Variants in DMRT1 observed in about 807,000 individuals in gnomAD.
The protein encoded by DMRT1 is doublesex and mab-3 related transcription factor 1, also known as doublesex- and mab-3-related transcription factor 1.
A neutral mutation model predicts 32.3 loss-of-function variants in DMRT1; 7 were observed. That is an observed-to-expected ratio of 0.22 (90% CI 0.12 to 0.41). The LOEUF is 0.41. Among genes scored for constraint, DMRT1 ranks in the 10% least tolerant of loss-of-function variants. The pLI, the probability that DMRT1 is intolerant of heterozygous loss-of-function variation, is 1.00. For synonymous variants in DMRT1, 278 were observed against 206.1 expected (o/e 1.35, Z -2.99); for missense variants, 625 against 500.5 (o/e 1.25, Z -2.37).
intron 4 of DMRT1, among the ~76,000 whole-genome samples, chr9:931,734 T>A (rs557554592): frequency 6.6e-6 from 1 of 152,310 alleles, no homozygotes; most frequent in South Asian, 2.1e-4. Flanking sequence ...AGGACACTAG[T>A]CTTAGAGAGT....
At chr9:883,132 C>A (rs1193134815) in intron 2 of DMRT1, among the ~76,000 whole-genome samples, 4 of 151,892 alleles carry the variant, frequency 2.6e-5, no homozygotes, top group Non-Finnish European at 5.9e-5. Context: ...TGCCATCTGT[C>A]CCACATTGAC....
intron 2 of DMRT1, among the ~76,000 whole-genome samples, chr9:847,617 G>C (rs115959382): frequency 5.3e-5 from 8 of 152,148 alleles, no homozygotes; most frequent in African/African-American, 1.9e-4. Context: ...CTCTCCCCTG[G>C]GTGCTAAGGA....
chr9:879,542 T>A (rs1469896416), intron 2 of DMRT1, among the ~76,000 whole-genome samples: 5 of 152,216 alleles, frequency 3.3e-5, no homozygotes, highest in Non-Finnish European at 7.3e-5. Flanking sequence ...CGTAGATAGT[T>A]AGAAGAGGGG....
At chr9:878,936 T>C (rs1207556340) in intron 2 of DMRT1, among the ~76,000 whole-genome samples, 1 of 152,216 alleles carries the variant, frequency 6.6e-6, no homozygotes, top group Admixed American at 6.5e-5. Context: ...TCAATTACTT[T>C]TGCTTGGGAC....
intron 2 of DMRT1, among the ~76,000 whole-genome samples, chr9:892,112 G>T (rs189286884): frequency 6.6e-6 from 1 of 152,124 alleles, no homozygotes; most frequent in Non-Finnish European, 1.5e-5. Flanking sequence ...GGTTAAAACC[G>T]CAAGGCCCTG....
Position 965,488 on chromosome 9 carries a change from C to A in DMRT1, c.968-2497C>A, listed in dbSNP as rs1819904530. ...CAAGAGCACTTTCCAAGAAAATATT[C>A]ATAAGGCAAGTTAGAGCAAAAGGGG... On this transcript the variant is annotated intron_variant, in intron 4 of 4. Transcript: ENST00000382276. This position sits in a 1 kb window ranked among gnomAD's most constrained non-coding sequence, Gnocchi z 4.5. 6.6e-6 allele frequency among the ~76,000 whole-genome samples: 1 copy of A among 152,204 alleles called. No individual in the cohort carries two copies. Among genetic ancestry groups the A allele is most frequent in the South Asian group, 2.1e-4 (1 of 4,836 alleles).
In DMRT1 at chr9:924,319, G is replaced by A. The variant is rs567059729; in HGVS notation, c.967+7412G>A. Among the ~76,000 whole-genome samples the A allele has an allele frequency of 2.9e-3, 447 of 152,206 alleles. 2 individuals are homozygous for A. Among genetic ancestry groups the A allele is most frequent in the Non-Finnish European group, 4.3e-3 (295 of 68,012 alleles). On this transcript the variant is annotated intron_variant, in intron 4 of 4. Coordinates refer to ENST00000382276, the MANE Select transcript of DMRT1 (RefSeq NM_021951.3). ...ACTCCTGACCTCAAGTGATCTGCCCGCCTTGGCCTCCCACAGTGCTGGGAT... is the reference window on the plus strand; with the variant it reads ...ACTCCTGACCTCAAGTGATCTGCCCACCTTGGCCTCCCACAGTGCTGGGAT...
intron 4 of DMRT1, among the ~76,000 whole-genome samples, chr9:929,754 C>G (rs1818646939): frequency 6.6e-6 from 1 of 152,106 alleles, no homozygotes. Flanking sequence ...AGCTGTTCTG[C>G]AGGGTCAGTT....
At chr9:842,307 T>G in intron 1 of DMRT1, 115 bp downstream of exon 1, 25 of 1,337,240 alleles carry the variant, frequency 1.9e-5, no homozygotes, top group Non-Finnish European at 2.4e-5. Flanking sequence ...CGATCTTGGC[T>G]CACTGCAACC....
chr9:849,229 C>T (rs561870089), intron 2 of DMRT1, among the ~76,000 whole-genome samples: 16 of 152,280 alleles, frequency 1.1e-4, no homozygotes, highest in African/African-American at 3.8e-4. Context: ...ATGGATTTCC[C>T]ATTCTACTTA....
intron 2 of DMRT1, among the ~76,000 whole-genome samples, chr9:888,522 A>G (rs1226581718): frequency 1.3e-5 from 2 of 151,908 alleles, no homozygotes; most frequent in Non-Finnish European, 1.5e-5. Context: ...TTGGTCTCGA[A>G]CTCCTGGGCT....
intron 2 of DMRT1, among the ~76,000 whole-genome samples, chr9:862,028 G>T (rs1014311619): frequency 1.3e-5 from 2 of 151,802 alleles, no homozygotes; most frequent in African/African-American, 4.8e-5. Flanking sequence ...CTGGGCGGCC[G>T]GGCGGAGGGG....
At chr9:846,849 C>A in intron 1 of DMRT1, 111 bp from the exon 2 acceptor site, 2 of 1,324,834 alleles carry the variant, frequency 1.5e-6, no homozygotes, top group Non-Finnish European at 2.2e-6. Context: ...GATTTTCAGA[C>A]CTCACCTCCA....
At chr9:858,870 A>AAAAATATATAT (rs1815525305) in intron 2 of DMRT1, among the ~76,000 whole-genome samples, 1 of 48,074 alleles carries the variant, frequency 2.1e-5, no homozygotes, top group African/African-American at 8.3e-5. Flanking sequence ...AAAAAAAAAA[A>AAAAATATATAT]ATATATATAT....
chr9:950,819 C>G (rs979197723), intron 4 of DMRT1, among the ~76,000 whole-genome samples: 1 of 152,178 alleles, frequency 6.6e-6, no homozygotes, highest in African/African-American at 2.4e-5. Context: ...CGACTGTTTT[C>G]TTGGACTTCC....
intron 2 of DMRT1, among the ~76,000 whole-genome samples, chr9:850,699 G>C (rs927588288): frequency 8.6e-5 from 13 of 151,766 alleles, no homozygotes; most frequent in Admixed American, 6.6e-4. Flanking sequence ...ATTTACTACA[G>C]CTGAGAATTT....
intron 2 of DMRT1, among the ~76,000 whole-genome samples, chr9:887,795 T>G (rs889510331): frequency 6.6e-6 from 1 of 152,258 alleles, no homozygotes; most frequent in Non-Finnish European, 1.5e-5. Context: ...GCACTTGGAT[T>G]ATTGCTTTGT....
intron 2 of DMRT1, among the ~76,000 whole-genome samples, chr9:859,534 C>G (rs1369434151): frequency 6.6e-6 from 1 of 152,182 alleles, no homozygotes; most frequent in African/African-American, 2.4e-5. Context: ...ATGTGCATTT[C>G]TGTTTCAGCC....
chr9:916,825 G>A lies in DMRT1; in HGVS notation c.885G>A (p.Pro295=), dbSNP rs771988103. The change falls in exon 4 of 5, where the codon CCG becomes CCA. Residue 295 remains proline, a synonymous_variant. Coordinates refer to ENST00000382276, the MANE Select transcript of DMRT1 (RefSeq NM_021951.3). ...SSQYRMHSYY[P]PPSYLGQSVP... is the part of the protein sequence containing the mutation. ...AGTACAGGATGCATTCTTACTACCCGCCTCCCTCTTACCTGGGCCAGAGCG... is the reference window on the plus strand; with the variant it reads ...AGTACAGGATGCATTCTTACTACCCACCTCCCTCTTACCTGGGCCAGAGCG... 17 of 1,614,148 alleles carry A rather than the reference G, an allele frequency of 1.1e-5. No individual in the cohort carries two copies. The highest frequency in any genetic ancestry group is 1.7e-4 in the Middle Eastern group (1 of 6,060).
Sources: gnomAD v4.1 joint callset for allele counts (sites outside exome capture counted in the v4.1 genomes callset) on GRCh38, gnomAD v4.1.1 for gene constraint, Gnocchi (gnomAD v3.1) non-coding constraint, MANE v1.5 for transcripts, NCBI Gene and HGNC (gene_info 2026-07-23, HGNC 2026-07-21) for gene names.